Variants in MGMT observed in about 807,000 individuals in gnomAD.
MGMT encodes the protein methylated-DNA--protein-cysteine methyltransferase.
MGMT carries 14 observed loss-of-function variants against 15.9 expected under a neutral mutation model. The ratio of observed to expected loss-of-function variants is 0.88; its 90% CI spans 0.58 to 1.37. MGMT has a LOEUF of 1.37. Ranked by LOEUF, MGMT falls within the 40% of genes most tolerant of loss-of-function variation. The pLI, the probability that MGMT is intolerant of heterozygous loss-of-function variation, is 0.00. For synonymous variants in MGMT, 130 were observed against 118.2 expected (o/e 1.10, Z -0.65); for missense variants, 282 against 268.1 (o/e 1.05, Z -0.36).
intron 4 of MGMT, among the ~76,000 whole-genome samples, chr10:129,764,761 A>G (rs891533503): frequency 1.3e-5 from 2 of 152,256 alleles, no homozygotes; most frequent in South Asian, 2.1e-4. Context: ...ACACGCCCCA[A>G]CCTTGGGATC....
In MGMT at chr10:129,545,759, A is replaced by G. The variant is rs147554467; in HGVS notation, c.125+9382A>G. Among the ~76,000 whole-genome samples, 351 of 152,298 alleles carry G rather than the reference A, an allele frequency of 2.3e-3. 12 individuals are homozygous for G. In the East Asian group the frequency reaches 0.062, roughly 27 times the overall value. Reference sequence around the variant, plus strand: ...TCCTATATCTGTAAGATTTTCTGATATTTAAACTGGCTGCAACTAATGAAT... The same window carrying G: ...TCCTATATCTGTAAGATTTTCTGATGTTTAAACTGGCTGCAACTAATGAAT... On this transcript the variant is annotated intron_variant, in intron 2 of 4. Transcript: ENST00000651593.
At chr10:129,540,857 G>T (rs563158724) in intron 2 of MGMT, among the ~76,000 whole-genome samples, 1 of 152,306 alleles carries the variant, frequency 6.6e-6, no homozygotes, top group East Asian at 1.9e-4. Flanking sequence ...GTAGAATTGG[G>T]TGCTGCCTTC....
intron 2 of MGMT, among the ~76,000 whole-genome samples, chr10:129,537,823 G>A (rs1434530825): frequency 1.3e-5 from 2 of 152,192 alleles, no homozygotes; most frequent in South Asian, 2.1e-4. Context: ...AAACACACCT[G>A]TGGACAAACC....
chr10:129,473,229 G>A (rs1845252277), intron 1 of MGMT, among the ~76,000 whole-genome samples: 1 of 152,354 alleles, frequency 6.6e-6, no homozygotes, highest in South Asian at 2.1e-4. Flanking sequence ...GCAGTGAGGG[G>A]TAACGCAGGT....
chr10:129,735,710 T>G (rs1260441092), intron 3 of MGMT, among the ~76,000 whole-genome samples: 1 of 103,426 alleles, frequency 9.7e-6, no homozygotes, highest in Admixed American at 1.1e-4. Context: ...TGCTATAAAT[T>G]TCCCTCTACA....
intron 1 of MGMT, among the ~76,000 whole-genome samples, chr10:129,494,094 A>G (rs1272962502): frequency 6.6e-6 from 1 of 152,232 alleles, no homozygotes; most frequent in Non-Finnish European, 1.5e-5. Flanking sequence ...TAAAGAATTA[A>G]TTAAAATTTT....
chr10:129,589,442 C>T (rs369315826), intron 2 of MGMT, among the ~76,000 whole-genome samples: 20 of 152,276 alleles, frequency 1.3e-4, no homozygotes, highest in East Asian at 9.7e-4. Context: ...AAACTCAGGT[C>T]GAATTTGGAT....
intron 3 of MGMT, among the ~76,000 whole-genome samples, chr10:129,715,322 C>T (rs183980376): frequency 1.5e-3 from 232 of 152,286 alleles, no homozygotes; most frequent in African/African-American, 5.2e-3. Flanking sequence ...AGTGTCCTGG[C>T]GTTGGCCTTG....
intron 2 of MGMT, among the ~76,000 whole-genome samples, chr10:129,603,287 C>A (rs1329708495): frequency 1.3e-5 from 2 of 152,168 alleles, no homozygotes; most frequent in African/African-American, 2.4e-5. Context: ...TTTGTTGTTT[C>A]TCTGATAGCA....
chr10:129,633,899 C>T (rs1847237946), intron 2 of MGMT, among the ~76,000 whole-genome samples: 1 of 152,178 alleles, frequency 6.6e-6, no homozygotes. Context: ...CAATCATAGA[C>T]AAAATGTAAA....
In MGMT at chr10:129,708,030, C is replaced by G. The variant is rs144397748; in HGVS notation, c.261C>G (p.Pro87=). ...EEFPVPALHH[P]VFQQESFTRQ... is the part of the protein sequence containing the mutation. ...TCCCCGTGCCGGCTCTTCACCATCC[C>G]GTTTTCCAGCAAGGTCGGTAACTAA... Residue 87 remains proline, a synonymous_variant, in exon 3 of 5, where the codon CCC becomes CCG. Transcript: ENST00000651593. The G allele has an allele frequency of 3.7e-6, 6 of 1,612,434 alleles. No homozygotes were observed. The South Asian group carries it at 4.4e-5, about 12-fold the overall frequency.
At position 129,638,445 on chromosome 10, in the gene MGMT, AG is replaced by A. The variant is rs1328951547; in HGVS notation, c.126-69449del. 5.6e-3 allele frequency among the ~76,000 whole-genome samples: 666 copies of A among 119,878 alleles called. 26 individuals carry two copies. The highest frequency in any genetic ancestry group is 0.015 in the African/African-American group (517 of 34,002). The allele number at this position is 119,878 out of a possible 152,430, so 78.6% of individuals were successfully genotyped here. On this transcript the variant is annotated intron_variant, in intron 2 of 4. Transcript: ENST00000651593. Reference sequence around the variant, plus strand: ...CCAAAGAGGCAAAAAAAAAAAAAAAAGAAAAAAAAAAGAAAAATAACTGACG... The same window carrying A: ...CCAAAGAGGCAAAAAAAAAAAAAAAAAAAAAAAAAAGAAAAATAACTGACG...
intron 2 of MGMT, among the ~76,000 whole-genome samples, chr10:129,657,964 G>A (rs746372381): frequency 2.6e-5 from 4 of 152,098 alleles, no homozygotes; most frequent in Non-Finnish European, 4.4e-5. Flanking sequence ...GGAAATTCTC[G>A]TAAATGTATA....
At chr10:129,635,754 T>G (rs557382201) in intron 2 of MGMT, among the ~76,000 whole-genome samples, 46 of 152,360 alleles carry the variant, frequency 3.0e-4, no homozygotes, top group African/African-American at 1.0e-3. Flanking sequence ...CCTATGTCTG[T>G]TAGCAATAGA....
At chr10:129,647,137 G>T (rs1847406130) in intron 2 of MGMT, among the ~76,000 whole-genome samples, 1 of 152,062 alleles carries the variant, frequency 6.6e-6, no homozygotes, top group East Asian at 1.9e-4. Flanking sequence ...TTTACTCAGG[G>T]TTTCTGCTGG....
chr10:129,495,707 A>G (rs1326145573), intron 1 of MGMT, among the ~76,000 whole-genome samples: 4 of 152,218 alleles, frequency 2.6e-5, no homozygotes, highest in Non-Finnish European at 4.4e-5. Context: ...TCAAACGTGT[A>G]TGGAATCTGG....
At chr10:129,667,853 G>T (rs1847677521) in intron 2 of MGMT, among the ~76,000 whole-genome samples, 1 of 152,108 alleles carries the variant, frequency 6.6e-6, no homozygotes, top group Non-Finnish European at 1.5e-5. Flanking sequence ...TGACTAATGT[G>T]GTTGAATATG....
chr10:129,739,239 G>C (rs1340725608), intron 3 of MGMT, among the ~76,000 whole-genome samples: 2 of 152,142 alleles, frequency 1.3e-5, no homozygotes, highest in African/African-American at 4.8e-5. Context: ...TTGAAAATCG[G>C]CACAAGACAA....
intron 2 of MGMT, among the ~76,000 whole-genome samples, chr10:129,707,540 A>G (rs1177754706): frequency 2.6e-5 from 4 of 152,138 alleles, no homozygotes; most frequent in African/African-American, 9.7e-5. Flanking sequence ...GGTGCAGTCT[A>G]ATGACTGTGT....
Sources: gnomAD v4.1 joint callset for allele counts (sites outside exome capture counted in the v4.1 genomes callset) on GRCh38, gnomAD v4.1.1 for gene constraint, MANE v1.5 for transcripts, NCBI Gene and HGNC (gene_info 2026-07-23, HGNC 2026-07-21) for gene names.